RNF111: variants seen among roughly 807,000 people sequenced by gnomAD.
The protein encoded by RNF111 is ring finger protein 111.
A neutral mutation model predicts 95.1 loss-of-function variants in RNF111; 17 were observed. The ratio of observed to expected loss-of-function variants is 0.18; its 90% CI spans 0.12 to 0.27. RNF111 has a LOEUF of 0.27. Ranked by LOEUF, RNF111 falls within the 10% of genes least tolerant of loss-of-function variation. The pLI is 1.00. For synonymous variants in RNF111, 440 were observed against 414.8 expected, an observed-to-expected ratio of 1.06 and a Z score of -0.74; for missense variants, 1,189 against 1,210.4, an observed-to-expected ratio of 0.98 and a Z score of 0.26.
chr15:58,992,137 C>T (rs368008199), intron 1 of RNF111, among the ~76,000 whole-genome samples: 3 of 152,084 alleles, frequency 2.0e-5, no homozygotes, highest in South Asian at 2.1e-4. Context: ...CTCCACCTCC[C>T]GGGTTCAAGC....
At chr15:59,014,408 G>A (rs1324378590) in intron 1 of RNF111, among the ~76,000 whole-genome samples, 1 of 152,188 alleles carries the variant, frequency 6.6e-6, no homozygotes, top group Non-Finnish European at 1.5e-5. Flanking sequence ...AATGCTTGGA[G>A]AATTTGAATC....
At chr15:59,021,596 A>T (rs1382027146) in intron 1 of RNF111, among the ~76,000 whole-genome samples, 2 of 152,186 alleles carry the variant, frequency 1.3e-5, no homozygotes, top group Non-Finnish European at 2.9e-5. Context: ...AGGTACTCTC[A>T]TTTAACCGTT....
chr15:59,033,026 A>C (rs2040993487), intron 2 of RNF111, among the ~76,000 whole-genome samples: 1 of 152,216 alleles, frequency 6.6e-6, no homozygotes, highest in South Asian at 2.1e-4. Context: ...GTTGTAATTT[A>C]AAGGGAGTTG....
chr15:59,016,473 C>A (rs1225003877), intron 1 of RNF111, among the ~76,000 whole-genome samples: 2 of 152,110 alleles, frequency 1.3e-5, no homozygotes, highest in Admixed American at 6.5e-5. Flanking sequence ...TTGTGAGCTT[C>A]TTGAAGGATG....
chr15:59,084,077 T>G (rs2078827854), intron 8 of RNF111, 52 bp from the exon 9 acceptor site: 1 of 1,508,728 alleles, frequency 6.6e-7, no homozygotes, highest in Non-Finnish European at 8.9e-7. Flanking sequence ...AGAAAAGAAA[T>G]AACCAATTAT....
chr15:58,996,732 G>A (rs2039093490), intron 1 of RNF111, among the ~76,000 whole-genome samples: 1 of 133,408 alleles, frequency 7.5e-6, no homozygotes, highest in African/African-American at 2.9e-5. Flanking sequence ...TTTCTCACCT[G>A]TGTATGGATA....
At chr15:59,049,024 C>T (rs1394143856) in intron 2 of RNF111, among the ~76,000 whole-genome samples, 1 of 152,000 alleles carries the variant, frequency 6.6e-6, no homozygotes, top group Non-Finnish European at 1.5e-5. Flanking sequence ...TCACTGGAGC[C>T]CAGGAGATTG....
chr15:59,035,048 G>A (rs2041105903), intron 2 of RNF111, among the ~76,000 whole-genome samples: 1 of 152,150 alleles, frequency 6.6e-6, no homozygotes, highest in Non-Finnish European at 1.5e-5. Flanking sequence ...TGAATGAAGA[G>A]CAAAGTCACG....
At chr15:59,018,488 G>A (rs114426472) in intron 1 of RNF111, among the ~76,000 whole-genome samples, 2,350 of 152,062 alleles carry the variant, frequency 0.015, 69 homozygotes, top group African/African-American at 0.054. Flanking sequence ...AATATATTAT[G>A]TTCTCATAAT....
Position 59,066,746 on chromosome 15 carries a change from A to AT in RNF111, c.1367-11dup, listed in dbSNP as rs2042674092. 4 of 1,598,110 alleles carry AT rather than the reference A, an allele frequency of 2.5e-6. No individual in the cohort carries two copies. The highest frequency in any genetic ancestry group is 1.3e-5 in the African/African-American group (1 of 74,572). ...ATTTCATGATTTGATTATTCTGTGC[A>AT]TTTTTTTCTGTTTCAAGATGACTCA... is the stretch of plus-strand genomic sequence containing the variant. On this transcript the variant is annotated splice_polypyrimidine_tract_variant and intron_variant, in intron 5 of 13. Transcript: ENST00000348370.
chr15:59,023,897 C>T (rs1161865218), intron 1 of RNF111, among the ~76,000 whole-genome samples: 2 of 152,170 alleles, frequency 1.3e-5, no homozygotes, highest in Non-Finnish European at 2.9e-5. Context: ...CCCTAAGGGA[C>T]ATGAAGAGTG....
At chr15:59,013,809 A>G (rs1450796715) in intron 1 of RNF111, among the ~76,000 whole-genome samples, 1 of 151,348 alleles carries the variant, frequency 6.6e-6, no homozygotes, top group Non-Finnish European at 1.5e-5. Flanking sequence ...TTTTTTGGAG[A>G]CAAGAGTCTC....
intron 6 of RNF111, among the ~76,000 whole-genome samples, chr15:59,073,670 C>T (rs1186854479): frequency 1.3e-5 from 2 of 152,116 alleles, no homozygotes; most frequent in African/African-American, 4.8e-5. Context: ...TCAAAGTGTG[C>T]ATGAGGCTTG....
At chr15:59,012,861 C>G (rs2039891325) in intron 1 of RNF111, among the ~76,000 whole-genome samples, 2 of 151,992 alleles carry the variant, frequency 1.3e-5, no homozygotes, top group Non-Finnish European at 2.9e-5. Flanking sequence ...ACCTCAGCCT[C>G]CCAAGTATCT....
At chr15:59,078,036 A>T (rs182416213) in intron 7 of RNF111, among the ~76,000 whole-genome samples, 1 of 152,230 alleles carries the variant, frequency 6.6e-6, no homozygotes, top group African/African-American at 2.4e-5. Flanking sequence ...ACAATATGGC[A>T]TAGTAGAGCA....
chr15:59,089,796 A>G (rs745677896), intron 11 of RNF111, 37 bp downstream of exon 11: 2 of 1,382,966 alleles, frequency 1.4e-6, no homozygotes, highest in South Asian at 1.2e-5. Flanking sequence ...TTGTCACAGT[A>G]TCTTTAATGC....
At chr15:58,999,943 A>G (rs2039249997) in intron 1 of RNF111, among the ~76,000 whole-genome samples, 1 of 151,952 alleles carries the variant, frequency 6.6e-6, no homozygotes. Flanking sequence ...TCTCATGAGA[A>G]CTCCATAATG....
At chr15:59,046,924 A>G (rs533825416) in intron 2 of RNF111, among the ~76,000 whole-genome samples, 60 of 152,098 alleles carry the variant, frequency 3.9e-4, no homozygotes, top group South Asian at 1.7e-3. Context: ...CTGGAGTACA[A>G]TGGCACAGTC....
At chr15:59,040,320 ATCT>A (rs1414018098) in intron 2 of RNF111, among the ~76,000 whole-genome samples, 1 of 151,394 alleles carries the variant, frequency 6.6e-6, no homozygotes, top group Non-Finnish European at 1.5e-5. Context: ...TAGAGATGAG[ATCT>A]TCTTAACGTT....
Sources: allele counts gnomAD v4.1 joint callset (sites outside exome capture counted in the v4.1 genomes callset), GRCh38; gene constraint gnomAD v4.1.1; transcripts MANE v1.5; gene names NCBI Gene and HGNC (gene_info 2026-07-23, HGNC 2026-07-21).